Variants in PDE1A observed in about 807,000 individuals in gnomAD.
The protein encoded by PDE1A is dual specificity calcium/calmodulin-dependent 3',5'-cyclic nucleotide phosphodiesterase 1A.
Under a neutral mutation model 61.7 loss-of-function variants are expected in PDE1A, and 35 were observed. The ratio of observed to expected loss-of-function variants is 0.57; its 90% CI spans 0.43 to 0.75. The LOEUF (loss-of-function observed/expected upper bound fraction) is 0.75, where lower values mean the gene tolerates loss of function less well. PDE1A is among the 30% of genes least tolerant of loss of function. PDE1A has a pLI of 0.00. For missense variants in PDE1A, 597 were observed against 630.6 expected, an observed-to-expected ratio of 0.95 and a Z score of 0.57; for synonymous variants, 232 against 213.2, an observed-to-expected ratio of 1.09 and a Z score of -0.77.
At chr2:182,227,843 A>G (rs553991876) in intron 6 of PDE1A, among the ~76,000 whole-genome samples, 1 of 152,236 alleles carries the variant, frequency 6.6e-6, no homozygotes, top group South Asian at 2.1e-4. Flanking sequence ...GTAGAAAGAT[A>G]TAGTACTAAA....
At position 182,242,730 on chromosome 2, in the gene PDE1A, C is replaced by T. The variant is rs73046093; in HGVS notation, c.168-2438G>A. ...AGAGAAAGGAATTCAGCTTCCAGAA[C>T]GCCTTTGAAATCAAGACTGCAACAA... On this transcript the variant is annotated intron_variant, in intron 2 of 13. Transcript: ENST00000351439. Among the ~76,000 whole-genome samples the T allele has an allele frequency of 7.1e-3, 1,088 of 152,264 alleles. 11 individuals are homozygous for T. Among genetic ancestry groups the T allele is most frequent in the African/African-American group, 0.024 (997 of 41,552 alleles).
the PDE1A span, among the ~76,000 whole-genome samples, chr2:182,557,512 G>A: frequency 6.6e-6 from 1 of 151,996 alleles, no homozygotes; most frequent in African/African-American, 2.4e-5. Flanking sequence ...AGGAGTTCAA[G>A]ACCAGCCTGG....
chr2:182,182,816 T>C (rs1409355956), intron 13 of PDE1A, among the ~76,000 whole-genome samples: 2 of 151,994 alleles, frequency 1.3e-5, no homozygotes, highest in African/African-American at 4.8e-5. Context: ...CCCAGACCTC[T>C]CCATCATTCT....
chr2:182,375,654 C>G (rs1441967903), intron 1 of PDE1A, among the ~76,000 whole-genome samples: 2 of 152,134 alleles, frequency 1.3e-5, no homozygotes, highest in Admixed American at 6.5e-5. Flanking sequence ...AAGATGGTGG[C>G]CCTCTTCTCA....
At chr2:182,212,272 T>TACACACACAC (rs575732647) in intron 7 of PDE1A, among the ~76,000 whole-genome samples, 1 of 151,748 alleles carries the variant, frequency 6.6e-6, no homozygotes, top group East Asian at 1.9e-4. Context: ...CATTTATATA[T>TACACACACAC]ATATACACAC....
chr2:182,364,723 A>G (rs1000839359), intron 1 of PDE1A, among the ~76,000 whole-genome samples: 1 of 151,888 alleles, frequency 6.6e-6, no homozygotes, highest in African/African-American at 2.4e-5. Context: ...TAATTTTTAA[A>G]AAAAATAGCA....
At chr2:182,172,868 G>A (rs543436998) in intron 13 of PDE1A, among the ~76,000 whole-genome samples, 64 of 152,044 alleles carry the variant, frequency 4.2e-4, no homozygotes, top group Non-Finnish European at 3.4e-4. Flanking sequence ...GCTAGACTTC[G>A]AGTTGTGTGA....
the PDE1A span, among the ~76,000 whole-genome samples, chr2:182,685,641 G>C: frequency 6.6e-6 from 1 of 152,184 alleles, no homozygotes; most frequent in Non-Finnish European, 1.5e-5. Flanking sequence ...CTGCCTGAGT[G>C]CTAAATCTCC....
the PDE1A span, among the ~76,000 whole-genome samples, chr2:182,560,773 G>A: frequency 1.3e-5 from 2 of 151,748 alleles, no homozygotes; most frequent in Non-Finnish European, 3.0e-5. Flanking sequence ...GTGTGAGATG[G>A]TATCTCATTG....
the PDE1A span, among the ~76,000 whole-genome samples, chr2:182,636,437 G>A: frequency 2.8e-4 from 42 of 152,028 alleles, no homozygotes; most frequent in Middle Eastern, 6.8e-3. Flanking sequence ...AGGTTTGTAC[G>A]GGAAGTTCAG....
intron 13 of PDE1A, among the ~76,000 whole-genome samples, chr2:182,159,814 A>C (rs1691282694): frequency 6.6e-6 from 1 of 152,178 alleles, no homozygotes; most frequent in Non-Finnish European, 1.5e-5. Context: ...TTAGCCAGGC[A>C]TGGTAGTGTG....
At chr2:182,298,082 T>C (rs833141) in intron 1 of PDE1A, among the ~76,000 whole-genome samples, 1 of 152,146 alleles carries the variant, frequency 6.6e-6, no homozygotes, top group Non-Finnish European at 1.5e-5. Context: ...GAATTCCATT[T>C]CTGGCTGTAA....
intron 1 of PDE1A, among the ~76,000 whole-genome samples, chr2:182,424,771 T>C (rs1405312148): frequency 3.9e-5 from 6 of 152,144 alleles, no homozygotes; most frequent in Non-Finnish European, 7.3e-5. Context: ...AATCATAACC[T>C]GGTAAAAGCA....
the PDE1A span, among the ~76,000 whole-genome samples, chr2:182,581,380 A>G: frequency 7.8e-4 from 118 of 152,148 alleles, no homozygotes; most frequent in Non-Finnish European, 2.5e-4. Context: ...ATAGCTGCAG[A>G]CTCTCTCAGC....
chr2:182,248,982 T>C (rs975413732), intron 2 of PDE1A, among the ~76,000 whole-genome samples: 4 of 152,220 alleles, frequency 2.6e-5, no homozygotes, highest in African/African-American at 9.6e-5. Flanking sequence ...ATATATCAGG[T>C]GACTAAACTG....
At chr2:182,466,159 G>T (rs893156653) in intron 2 of PDE1A, among the ~76,000 whole-genome samples, 1 of 151,866 alleles carries the variant, frequency 6.6e-6, no homozygotes, top group East Asian at 1.9e-4. Flanking sequence ...CACAACCCCT[G>T]AACTAACCTG....
At chr2:182,558,817 T>G in the PDE1A span, among the ~76,000 whole-genome samples, 29 of 152,284 alleles carry the variant, frequency 1.9e-4, no homozygotes, top group African/African-American at 6.5e-4. Context: ...TAAAAGAAAA[T>G]GTACTCTTCC....
chr2:182,516,781 GAAA>G (rs1234284895), intron 2 of PDE1A, among the ~76,000 whole-genome samples: 1 of 113,184 alleles, frequency 8.8e-6, no homozygotes, highest in Non-Finnish European at 1.8e-5. Context: ...AAGAAAGAAA[GAAA>G]AAGAAAGAAA....
the PDE1A span, among the ~76,000 whole-genome samples, chr2:182,568,762 C>G: frequency 6.6e-6 from 1 of 152,022 alleles, no homozygotes; most frequent in South Asian, 2.1e-4. Context: ...TAATTGCACT[C>G]AAAAAATTCA....
Sources: gnomAD v4.1 joint callset for allele counts (sites outside exome capture counted in the v4.1 genomes callset) on GRCh38, gnomAD v4.1.1 for gene constraint, MANE v1.5 for transcripts, NCBI Gene and HGNC (gene_info 2026-07-23, HGNC 2026-07-21) for gene names.